ST8SIA6: variants seen among roughly 807,000 people sequenced by gnomAD.
ST8SIA6 encodes ST8 alpha-N-acetyl-neuraminide alpha-2,8-sialyltransferase 6, also known as alpha-2,8-sialyltransferase 8F.
In ST8SIA6, 39 loss-of-function variants were observed where a neutral mutation model predicts 33.6. That is an observed-to-expected ratio of 1.16 (90% CI 0.90 to 1.52). ST8SIA6 has a LOEUF of 1.52. Among genes scored for constraint, ST8SIA6 ranks in the 40% most tolerant of loss-of-function variants. The pLI, the probability that ST8SIA6 is intolerant of heterozygous loss-of-function variation, is 0.00. For missense variants in ST8SIA6, 441 were observed against 443.8 expected (o/e 0.99, Z 0.06); for synonymous variants, 172 against 167.2 (o/e 1.03, Z -0.22).
At chr10:17,356,442 T>A (rs532371726) in intron 4 of ST8SIA6, among the ~76,000 whole-genome samples, 128 of 151,674 alleles carry the variant, frequency 8.4e-4, no homozygotes, top group Admixed American at 3.6e-3. Context: ...TGCAGTGCAG[T>A]GGTACAATTT....
At chr10:17,346,004 G>A (rs1848820489) in intron 4 of ST8SIA6, among the ~76,000 whole-genome samples, 1 of 152,170 alleles carries the variant, frequency 6.6e-6, no homozygotes. Context: ...TGACATTCTG[G>A]GATTTCCAAT....
At position 17,317,889 on chromosome 10, in the gene ST8SIA6, T is replaced by C. The variant is rs1366832674; in HGVS notation, c.*2989A>G. ...ATATCCTTTAGTGAAAGCCATGATC[T>C]ATTTGTCATTGCCTTTTGTTCCAAG... is the stretch of plus-strand genomic sequence containing the variant. On this transcript the variant is annotated 3_prime_UTR_variant, in exon 8 of 8. Transcript: ENST00000377602. Among the ~76,000 whole-genome samples, 2 of 152,246 alleles carry C rather than the reference T, an allele frequency of 1.3e-5. No individual in the cohort carries two copies. The highest frequency in any genetic ancestry group is 2.9e-5 in the Non-Finnish European group (2 of 68,042).
At chr10:17,438,432 T>G (rs1261519094) in intron 2 of ST8SIA6, among the ~76,000 whole-genome samples, 1 of 152,050 alleles carries the variant, frequency 6.6e-6, no homozygotes, top group South Asian at 2.1e-4. Context: ...ATACAAACAT[T>G]ATGGAGATTA....
rs910493112 is a variant in ST8SIA6, at chr10:17,319,963, T to A, written c.*915A>T. 1 of 152,198 alleles carries A rather than the reference T, an allele frequency of 6.6e-6. No homozygotes were observed. The highest frequency in any genetic ancestry group is 2.4e-5 in the African/African-American group (1 of 41,464). The allele number at this position is 152,198 out of a possible 1,614,324, so 9.4% of individuals were successfully genotyped here. Reference sequence around the variant, plus strand: ...TTATTCATAGCTTTTGTCATTGTAATACTTATCATACCCCATCATAATTAA... The same window carrying A: ...TTATTCATAGCTTTTGTCATTGTAAAACTTATCATACCCCATCATAATTAA... On this transcript the variant is annotated 3_prime_UTR_variant, in exon 8 of 8. Transcript: ENST00000377602.
At chr10:17,391,698 T>C (rs1208608796) in intron 2 of ST8SIA6, among the ~76,000 whole-genome samples, 1 of 152,180 alleles carries the variant, frequency 6.6e-6, no homozygotes, top group Non-Finnish European at 1.5e-5. Flanking sequence ...TGCTATTTGT[T>C]TTATAAACTT....
At chr10:17,405,166 C>T (rs755966893) in intron 2 of ST8SIA6, among the ~76,000 whole-genome samples, 7 of 151,998 alleles carry the variant, frequency 4.6e-5, no homozygotes, top group Non-Finnish European at 1.0e-4. Context: ...CCCAGGAGTT[C>T]GAAAGCAGCC....
intron 3 of ST8SIA6, among the ~76,000 whole-genome samples, chr10:17,385,292 C>G (rs77795031): frequency 6.6e-6 from 1 of 152,136 alleles, no homozygotes; most frequent in African/African-American, 2.4e-5. Flanking sequence ...AAGTTCCCCC[C>G]ACACTTCGAG....
chr10:17,453,539 C>A lies in ST8SIA6; in HGVS notation c.200+20G>T, dbSNP rs767317589. 7.8e-7 allele frequency: 1 copy of A among 1,285,462 alleles called. No individual in the cohort carries two copies. The highest frequency in any genetic ancestry group is 2.8e-5 in the South Asian group (1 of 35,862). The allele number at this position is 1,285,462 out of a possible 1,614,324, so 79.6% of individuals were successfully genotyped here. On this transcript the variant is annotated intron_variant, in intron 2 of 7. Coordinates refer to ENST00000377602, the MANE Select transcript of ST8SIA6 (RefSeq NM_001004470.3). ...CGCAGCTCCCGAGCCCCAGTCCGCCCGCGCTGGGCGCCGCTGTACCTGTTA... is the reference window on the plus strand; with the variant it reads ...CGCAGCTCCCGAGCCCCAGTCCGCCAGCGCTGGGCGCCGCTGTACCTGTTA...
At chr10:17,396,442 T>C (rs1028919927) in intron 2 of ST8SIA6, among the ~76,000 whole-genome samples, 3 of 152,162 alleles carry the variant, frequency 2.0e-5, no homozygotes, top group Non-Finnish European at 4.4e-5. Flanking sequence ...CTGTTTCTTA[T>C]TGTCTTTGCC....
intron 3 of ST8SIA6, among the ~76,000 whole-genome samples, chr10:17,364,856 C>A (rs729169): frequency 0.12 from 18,748 of 152,260 alleles, 1,269 homozygotes; most frequent in South Asian, 0.18. Context: ...AAGCACAGAT[C>A]TCACCCCAAA....
intron 2 of ST8SIA6, among the ~76,000 whole-genome samples, chr10:17,441,609 C>T (rs77224505): frequency 0.027 from 4,047 of 151,414 alleles, 60 homozygotes; most frequent in South Asian, 0.052. Context: ...GCACCCGGCC[C>T]CTGGATCTAA....
At chr10:17,337,412 T>C (rs1437974699) in intron 4 of ST8SIA6, among the ~76,000 whole-genome samples, 3 of 152,196 alleles carry the variant, frequency 2.0e-5, no homozygotes, top group Non-Finnish European at 4.4e-5. Context: ...CAGAGTTGGT[T>C]TAGCCATCCC....
chr10:17,362,428 A>C (rs1303960244), intron 3 of ST8SIA6, among the ~76,000 whole-genome samples: 4 of 152,198 alleles, frequency 2.6e-5, no homozygotes, highest in African/African-American at 7.2e-5. Flanking sequence ...TAAGGATCAA[A>C]TATCTAAAAT....
At chr10:17,377,641 T>G (rs1422164029) in intron 3 of ST8SIA6, among the ~76,000 whole-genome samples, 1 of 152,122 alleles carries the variant, frequency 6.6e-6, no homozygotes, top group African/African-American at 2.4e-5. Context: ...AACTGCCTAA[T>G]TTTCATTTAT....
intron 3 of ST8SIA6, among the ~76,000 whole-genome samples, chr10:17,372,659 G>A (rs528081555): frequency 2.6e-5 from 4 of 152,190 alleles, no homozygotes; most frequent in Non-Finnish European, 4.4e-5. Flanking sequence ...AATAATTATC[G>A]TCATTATGAC....
In ST8SIA6 at chr10:17,454,529, T is replaced by A. The variant is rs1853051682; in HGVS notation, c.-274A>T. ...GCTGGCAGATGACGATTCGCCGAGC[T>A]CGCCGCCTGTCCTCCCGGAGGCGCT... On this transcript the variant is annotated 5_prime_UTR_variant, in exon 1 of 8. Transcript: ENST00000377602. The surrounding 1 kb of genome is among the most constrained non-coding windows in gnomAD (Gnocchi z 4.1). 6.6e-6 allele frequency among the ~76,000 whole-genome samples: 1 copy of A among 151,780 alleles called. No homozygotes were observed. Among genetic ancestry groups the A allele is most frequent in the South Asian group, 2.1e-4 (1 of 4,832 alleles).
chr10:17,416,288 T>C (rs1851605278), intron 2 of ST8SIA6, among the ~76,000 whole-genome samples: 1 of 152,142 alleles, frequency 6.6e-6, no homozygotes, highest in South Asian at 2.1e-4. Flanking sequence ...TAGAACTTGC[T>C]CCTAGATCCC....
intron 3 of ST8SIA6, among the ~76,000 whole-genome samples, chr10:17,369,812 TAA>T (rs1849674879): frequency 6.6e-6 from 1 of 152,342 alleles, no homozygotes; most frequent in East Asian, 1.9e-4. Context: ...TTTATTGTTT[TAA>T]AAGTCTATTC....
chr10:17,411,262 C>T (rs1426033707), intron 2 of ST8SIA6, among the ~76,000 whole-genome samples: 2 of 152,116 alleles, frequency 1.3e-5, no homozygotes, highest in Non-Finnish European at 2.9e-5. Context: ...CGGCTCACTG[C>T]AACCTCTGCC....
Sources: gnomAD v4.1 joint callset for allele counts (sites outside exome capture counted in the v4.1 genomes callset) on GRCh38, gnomAD v4.1.1 for gene constraint, Gnocchi (gnomAD v3.1) non-coding constraint, MANE v1.5 for transcripts, NCBI Gene and HGNC (gene_info 2026-07-23, HGNC 2026-07-21) for gene names.